AAK1: variants seen among roughly 807,000 people sequenced by gnomAD.
AAK1 encodes the protein AP2 associated kinase 1.
Under a neutral mutation model 116.0 loss-of-function variants are expected in AAK1, and 37 were observed. That is an observed-to-expected ratio of 0.32 (90% CI 0.25 to 0.42). AAK1 has a LOEUF of 0.42. Among genes scored for constraint, AAK1 ranks in the 10% least tolerant of loss-of-function variants. AAK1 has a pLI of 1.00. For missense variants in AAK1, 919 were observed against 1,170.6 expected (o/e 0.79, Z 3.14); for synonymous variants, 458 against 439.9 (o/e 1.04, Z -0.51).
intron 2 of AAK1, among the ~76,000 whole-genome samples, chr2:69,633,417 A>G (rs1675297225): frequency 6.6e-6 from 1 of 151,676 alleles, no homozygotes; most frequent in South Asian, 2.1e-4. Flanking sequence ...CCTGGTCAAC[A>G]TGGTGAAACC....
chr2:69,562,526 G>C (rs1671686258), intron 2 of AAK1, among the ~76,000 whole-genome samples: 1 of 152,106 alleles, frequency 6.6e-6, no homozygotes, highest in African/African-American at 2.4e-5. Context: ...ACACAGAGGA[G>C]GGTATTACAT....
At chr2:69,612,195 T>C (rs1419667358) in intron 2 of AAK1, among the ~76,000 whole-genome samples, 1 of 152,218 alleles carries the variant, frequency 6.6e-6, no homozygotes, top group Non-Finnish European at 1.5e-5. Context: ...TTAAAGTATT[T>C]CATCTGTTAG....
At chr2:69,555,761 G>T (rs1671364799) in intron 3 of AAK1, among the ~76,000 whole-genome samples, 1 of 151,962 alleles carries the variant, frequency 6.6e-6, no homozygotes, top group African/African-American at 2.4e-5. Flanking sequence ...AATATAATTG[G>T]TATAAAACAA....
At position 69,468,650 on chromosome 2, in the gene AAK1, T is replaced by G; in HGVS notation, c.*7219A>C. Reference sequence around the variant, plus strand: ...AACAGAGTCAGTGTTTTTTGGAAATTTAAACTGAATTCAGTTAAAACAATT... The same window carrying G: ...AACAGAGTCAGTGTTTTTTGGAAATGTAAACTGAATTCAGTTAAAACAATT... On this transcript the variant is annotated 3_prime_UTR_variant, in exon 22 of 22. Coordinates refer to ENST00000409085, the MANE Select transcript of AAK1 (RefSeq NM_014911.5). The G allele has an allele frequency of 2.0e-6, 2 of 985,432 alleles. No homozygotes were observed. Among genetic ancestry groups the G allele is most frequent in the Non-Finnish European group, 2.4e-6 (2 of 829,930 alleles). The allele number at this position is 985,432 out of a possible 1,614,324, so 61.0% of individuals were successfully genotyped here. A position where few individuals can be genotyped will look rare whatever the true frequency, so the allele number is the denominator to read the frequency against.
At chr2:69,526,129 T>C (rs2105013111) in intron 9 of AAK1, among the ~76,000 whole-genome samples, 1 of 152,326 alleles carries the variant, frequency 6.6e-6, no homozygotes, top group East Asian at 1.9e-4. Flanking sequence ...GCTGGTCCGG[T>C]TTGCTTTGCC....
rs1044387680 is a variant in AAK1, at chr2:69,521,067, G to A, written c.1056-79C>T. The A allele has an allele frequency of 6.3e-5, 94 of 1,485,392 alleles. 2 individuals carry two copies. In the South Asian group the frequency reaches 7.1e-4, roughly 11 times the overall value. 92.0% of individuals were successfully genotyped at this position (1,485,392 alleles called of 1,614,324 possible). The stretch of plus-strand genomic sequence containing the variant: ...AGTGGGCAGAGGACACAATGCTTCC[G>A]CTTCCACATCGACCCAAACCTTCCA... On this transcript the variant is annotated intron_variant, in intron 10 of 21. Coordinates refer to ENST00000409085, the MANE Select transcript of AAK1 (RefSeq NM_014911.5).
chr2:69,638,614 A>G (rs1198896222), intron 2 of AAK1, among the ~76,000 whole-genome samples: 1 of 152,208 alleles, frequency 6.6e-6, no homozygotes, highest in Non-Finnish European at 1.5e-5. Context: ...GGAAATGTGT[A>G]CTGATGAAAA....
chr2:69,461,840 C>G lies in AAK1; in HGVS notation c.*14029G>C, dbSNP rs562682181. 4.3e-6 allele frequency: 1 copy of G among 234,676 alleles called. No homozygotes were observed. The highest frequency in any genetic ancestry group is 4.0e-5 in the South Asian group (1 of 24,828). The allele number at this position is 234,676 out of a possible 1,614,324, so 14.5% of individuals were successfully genotyped here. On this transcript the variant is annotated 3_prime_UTR_variant, in exon 22 of 22. Coordinates refer to ENST00000409085, the MANE Select transcript of AAK1 (RefSeq NM_014911.5). ...CTCCTACCCTCAAGTGATCCACCCA[C>G]CTCGGCCTCCCAAAGTGCTGGGATT...
chr2:69,505,114 C>T (rs917390982), intron 16 of AAK1, among the ~76,000 whole-genome samples: 31 of 130,822 alleles, frequency 2.4e-4, no homozygotes, highest in African/African-American at 8.5e-4. Context: ...CAACAGCGTG[C>T]GTGCGTGTGC....
At chr2:69,590,547 G>A (rs1672985133) in intron 2 of AAK1, among the ~76,000 whole-genome samples, 3 of 152,228 alleles carry the variant, frequency 2.0e-5, no homozygotes, top group African/African-American at 7.2e-5. Flanking sequence ...CTTGTACACA[G>A]CCTACTTAAT....
intron 16 of AAK1, among the ~76,000 whole-genome samples, chr2:69,501,250 A>T (rs1371412456): frequency 6.6e-6 from 1 of 152,240 alleles, no homozygotes; most frequent in East Asian, 1.9e-4. Context: ...ATATACTTAT[A>T]CAATTTACAC....
intron 2 of AAK1, among the ~76,000 whole-genome samples, chr2:69,607,982 A>G (rs558551840): frequency 6.6e-6 from 1 of 152,332 alleles, no homozygotes; most frequent in East Asian, 1.9e-4. Context: ...GCACACAAAA[A>G]TAGACAAAAA....
chr2:69,640,447 T>C (rs919645027), intron 2 of AAK1, among the ~76,000 whole-genome samples: 2 of 151,952 alleles, frequency 1.3e-5, no homozygotes, highest in African/African-American at 4.8e-5. Flanking sequence ...TAGATCTGTC[T>C]GACTCTACAG....
At position 69,642,894 on chromosome 2, in the gene AAK1, G is replaced by A; in HGVS notation, c.147C>T (p.Asp49=). Residue 49 remains aspartate (D), a synonymous_variant, in exon 2 of 22, where the codon GAC becomes GAT. Transcript: ENST00000409085. ...FGIGRQQVTV[D]EVLAEGGFAI... is the part of the protein sequence containing the mutation. ...CCACCGTACCTTCCGCCAACACCTC[G>A]TCCACTGTGACCTGCTGTCGCCCGA... is the stretch of plus-strand genomic sequence containing the variant. The A allele has an allele frequency of 1.2e-6, 2 of 1,613,748 alleles. No homozygotes were observed. The highest frequency in any genetic ancestry group is 1.7e-6 in the Non-Finnish European group (2 of 1,179,854).
intron 12 of AAK1, among the ~76,000 whole-genome samples, chr2:69,518,399 T>TA (rs1284885032): frequency 7.4e-5 from 11 of 148,082 alleles, no homozygotes; most frequent in Admixed American, 1.3e-4. Flanking sequence ...AAGCAGTCCT[T>TA]AAAAAAAAAT....
chr2:69,583,424 T>C (rs1219337035), intron 2 of AAK1, among the ~76,000 whole-genome samples: 1 of 152,248 alleles, frequency 6.6e-6, no homozygotes, highest in Non-Finnish European at 1.5e-5. Flanking sequence ...ATATTCACTC[T>C]TTATGCTCCA....
chr2:69,501,148 A>G (rs1473588437), intron 16 of AAK1, among the ~76,000 whole-genome samples: 1 of 152,200 alleles, frequency 6.6e-6, no homozygotes, highest in Non-Finnish European at 1.5e-5. Context: ...AATGCTTTAC[A>G]CATTTGATAT....
At chr2:69,596,220 A>AC (rs1204221798) in intron 2 of AAK1, among the ~76,000 whole-genome samples, 1 of 139,150 alleles carries the variant, frequency 7.2e-6, no homozygotes, top group African/African-American at 3.1e-5. Context: ...AGTAATTTTG[A>AC]CTTTTTTTTT....
At chr2:69,502,550 G>A (rs1347325862) in intron 16 of AAK1, among the ~76,000 whole-genome samples, 1 of 152,186 alleles carries the variant, frequency 6.6e-6, no homozygotes, top group African/African-American at 2.4e-5. Flanking sequence ...GAACCTGGGA[G>A]GCAGAGGTTG....
Sources: gnomAD v4.1 joint callset for allele counts (sites outside exome capture counted in the v4.1 genomes callset) on GRCh38, gnomAD v4.1.1 for gene constraint, MANE v1.5 for transcripts, NCBI Gene and HGNC (gene_info 2026-07-23, HGNC 2026-07-21) for gene names.